ZNF641: variants seen among roughly 807,000 people sequenced by gnomAD.
ZNF641 encodes the protein zinc finger protein 641.
A neutral mutation model predicts 46.2 loss-of-function variants in ZNF641; 26 were observed. The ratio of observed to expected loss-of-function variants is 0.56; its 90% CI spans 0.41 to 0.78. ZNF641 has a LOEUF of 0.78. Ranked by LOEUF, ZNF641 falls within the 30% of genes least tolerant of loss-of-function variation. ZNF641 has a pLI of 0.00. For missense variants in ZNF641, 469 were observed against 517.8 expected (o/e 0.91, Z 0.91); for synonymous variants, 163 against 187.9 (o/e 0.87, Z 1.09).
At position 48,341,175 on chromosome 12, in the gene ZNF641, C is replaced by T. The variant is rs1489978568; in HGVS notation, c.*1798G>A. 4.1e-6 allele frequency: 4 copies of T among 985,322 alleles called. No homozygotes were observed. The highest frequency in any genetic ancestry group is 6.1e-5 in the Admixed American group (1 of 16,264). 61.0% of individuals were successfully genotyped at this position (985,322 alleles called of 1,614,324 possible). Reference sequence around the variant, plus strand: ...CACCCAGTTTTTCCTGCAAAAGGCACAGTCGCTAAACTAAATTGGTGCAAT... The same window carrying T: ...CACCCAGTTTTTCCTGCAAAAGGCATAGTCGCTAAACTAAATTGGTGCAAT... On this transcript the variant is annotated 3_prime_UTR_variant, in exon 6 of 6. Transcript: ENST00000547026.
intron 5 of ZNF641, 30 bp from the exon 6 acceptor site, chr12:48,343,757 G>C: frequency 6.9e-7 from 1 of 1,446,040 alleles, no homozygotes. Flanking sequence ...CCAACCCCAA[G>C]AGAAGAGTCA....
chr12:48,344,847 C>T, intron 4 of ZNF641, 135 bp from the exon 5 acceptor site: 1 of 593,926 alleles, frequency 1.7e-6, no homozygotes, highest in East Asian at 2.9e-5. Flanking sequence ...AAACATATCC[C>T]CACCCCAACC....
intron 4 of ZNF641, 94 bp downstream of exon 4, chr12:48,345,247 TAAAG>T: frequency 7.2e-7 from 1 of 1,380,444 alleles, no homozygotes; most frequent in Non-Finnish European, 9.8e-7. Context: ...CCCTGCCACA[TAAAG>T]AGTCCTAGAC....
intron 3 of ZNF641, among the ~76,000 whole-genome samples, 181 bp from the exon 4 acceptor site, chr12:48,345,655 T>C (rs3751273): frequency 0.17 from 25,219 of 152,086 alleles, 2,477 homozygotes; most frequent in East Asian, 0.27. Context: ...GGAGTAAAGG[T>C]AGATGGTCAA....
At position 48,337,377 on chromosome 12, in the gene ZNF641, G is replaced by A. The variant is rs903906992; in HGVS notation, c.*5596C>T. On this transcript the variant is annotated 3_prime_UTR_variant, in exon 6 of 6. Transcript: ENST00000547026. ...CCTGGAAGAGGATGCCCAGGTGCCT[G>A]GTGGCAAGAGACAAGGCAGGAAAGT... 6 of 152,340 alleles carry A rather than the reference G, an allele frequency of 3.9e-5. No homozygotes were observed. Among genetic ancestry groups the A allele is most frequent in the African/African-American group, 1.4e-4 (6 of 41,456 alleles). 9.4% of individuals were successfully genotyped at this position (152,340 alleles called of 1,614,324 possible).
rs1193342679 is a variant in ZNF641 at position 48,341,604 on chromosome 12, T to A, written c.*1369A>T. 1.0e-6 allele frequency: 1 copy of A among 985,324 alleles called. No individual in the cohort carries two copies. Among genetic ancestry groups the A allele is most frequent in the African/African-American group, 1.7e-5 (1 of 57,246 alleles). The allele number at this position is 985,324 out of a possible 1,614,324, so 61.0% of individuals were successfully genotyped here. A position where few individuals can be genotyped will look rare whatever the true frequency, so the allele number is the denominator to read the frequency against. On this transcript the variant is annotated 3_prime_UTR_variant, in exon 6 of 6. Transcript: ENST00000547026. ...GATCTTCAAGAATAACTCTTGCCCC[T>A]TGATGAGGCAGTCAAATTCAAACCA...
chr12:48,336,984 A>T (rs966713191), downstream of ZNF641, among the ~76,000 whole-genome samples: 2 of 152,150 alleles, frequency 1.3e-5, no homozygotes, highest in African/African-American at 2.4e-5. Flanking sequence ...GGAGCATCAC[A>T]TGGGGACCAG....
At chr12:48,349,672 G>A (rs1189540471) in intron 1 of ZNF641, among the ~76,000 whole-genome samples, 1 of 152,218 alleles carries the variant, frequency 6.6e-6, no homozygotes, top group African/African-American at 2.4e-5. Context: ...AGCCTAGGAG[G>A]TTTCCTTTTC....
Position 48,342,432 on chromosome 12 carries a change from A to G in ZNF641, c.*541T>C. 2 of 987,148 alleles carry G rather than the reference A, an allele frequency of 2.0e-6. No individual in the cohort carries two copies. Among genetic ancestry groups the G allele is most frequent in the Non-Finnish European group, 2.4e-6 (2 of 831,124 alleles). 61.1% of individuals were successfully genotyped at this position (987,148 alleles called of 1,614,324 possible). On this transcript the variant is annotated 3_prime_UTR_variant, in exon 6 of 6. Transcript: ENST00000547026. ...GTTACTCTCTAACCCAGTGTTCACC[A>G]GAGTGTTTCATAGTCACCAGTTCTG...
chr12:48,350,149 T>C (rs573940865), intron 1 of ZNF641: 2 of 1,609,176 alleles, frequency 1.2e-6, no homozygotes, highest in East Asian at 2.2e-5. Context: ...GATGATCCCA[T>C]GCCCACTGCA....
At chr12:48,346,110 T>C (rs1454028806) in intron 3 of ZNF641, among the ~76,000 whole-genome samples, 1 of 152,162 alleles carries the variant, frequency 6.6e-6, no homozygotes, top group African/African-American at 2.4e-5. Flanking sequence ...TTCACCATGT[T>C]GGCCAGGCTG....
Position 48,342,335 on chromosome 12 carries a change from T to G in ZNF641, c.*638A>C. 1 of 985,794 alleles carries G rather than the reference T, an allele frequency of 1.0e-6. No individual in the cohort carries two copies. The highest frequency in any genetic ancestry group is 1.2e-6 in the Non-Finnish European group (1 of 830,268). 61.1% of individuals were successfully genotyped at this position (985,794 alleles called of 1,614,324 possible). ...AAGACAGACCCACACATGAACAAGG[T>G]CTGGCCCCCCTGGCTTTCATATGGA... On this transcript the variant is annotated 3_prime_UTR_variant, in exon 6 of 6. Coordinates refer to ENST00000547026, the MANE Select transcript of ZNF641 (RefSeq NM_001172681.2).
Position 48,337,755 on chromosome 12 carries a change from G to A in ZNF641, c.*5218C>T, listed in dbSNP as rs1952631996. The A allele has an allele frequency of 6.6e-6, 1 of 151,968 alleles. No homozygotes were observed. Among genetic ancestry groups the A allele is most frequent in the African/African-American group, 2.4e-5 (1 of 41,362 alleles). 9.4% of individuals were successfully genotyped at this position (151,968 alleles called of 1,614,324 possible). On this transcript the variant is annotated 3_prime_UTR_variant, in exon 6 of 6. Coordinates refer to ENST00000547026, the MANE Select transcript of ZNF641 (RefSeq NM_001172681.2). Reference sequence around the variant, plus strand: ...GAGGCAAGAAAATGGCGTAAACCTGGGAGGCGGAGCTTGCAGTGAGCCGAG... The same window carrying A: ...GAGGCAAGAAAATGGCGTAAACCTGAGAGGCGGAGCTTGCAGTGAGCCGAG...
chr12:48,343,328 C>A lies in ZNF641; in HGVS notation c.920G>T (p.Arg307Met). Residue 307 changes from arginine (R) to methionine (M), a missense_variant, in exon 6 of 6, where the codon AGG (arginine) becomes ATG (methionine). Coordinates refer to ENST00000547026, the MANE Select transcript of ZNF641 (RefSeq NM_001172681.2). ...GAAATTCTTACCACACTCAGAGCACCTGCTGGTCTTGTCATGTAGGTGGGT... is the reference window on the plus strand; with the variant it reads ...GAAATTCTTACCACACTCAGAGCACATGCTGGTCTTGTCATGTAGGTGGGT... ...QKTHLHDKTS[R>M]CSECGKNFRC... 6.2e-7 allele frequency: 1 copy of A among 1,614,172 alleles called. No homozygotes were observed. Among genetic ancestry groups the A allele is most frequent in the South Asian group, 1.1e-5 (1 of 91,084 alleles).
At position 48,340,931 on chromosome 12, in the gene ZNF641, A is replaced by G; in HGVS notation, c.*2042T>C. 4 of 985,452 alleles carry G rather than the reference A, an allele frequency of 4.1e-6. No homozygotes were observed. Among genetic ancestry groups the G allele is most frequent in the Non-Finnish European group, 4.8e-6 (4 of 829,960 alleles). The allele number at this position is 985,452 out of a possible 1,614,324, so 61.0% of individuals were successfully genotyped here. ...CCTGTTTCTGAGAAGCTAGGGCAAG[A>G]CCTGCCTTACAAAGACCAGCCATTT... On this transcript the variant is annotated 3_prime_UTR_variant, in exon 6 of 6. Transcript: ENST00000547026.
chr12:48,336,713 G>A (rs73291366), downstream of ZNF641, among the ~76,000 whole-genome samples: 5,899 of 152,242 alleles, frequency 0.039, 409 homozygotes, highest in African/African-American at 0.13. Context: ...CCTCTAAGGG[G>A]TCAAGTCACA....
chr12:48,337,272 C>G lies in ZNF641; in HGVS notation c.*5701G>C, dbSNP rs1952617413. 1 of 152,138 alleles carries G rather than the reference C, an allele frequency of 6.6e-6. No homozygotes were observed. Among genetic ancestry groups the G allele is most frequent in the Non-Finnish European group, 1.5e-5 (1 of 68,042 alleles). The allele number at this position is 152,138 out of a possible 1,614,324, so 9.4% of individuals were successfully genotyped here. ...AAGTTCACAGTTCATCAGAAGGAAC[C>G]AATTCAGATAATAGCTAGAAATCTG... On this transcript the variant is annotated 3_prime_UTR_variant, in exon 6 of 6. Transcript: ENST00000547026.
Position 48,342,144 on chromosome 12 carries a change from C to A in ZNF641, c.*829G>T. On this transcript the variant is annotated 3_prime_UTR_variant, in exon 6 of 6. Coordinates refer to ENST00000547026, the MANE Select transcript of ZNF641 (RefSeq NM_001172681.2). The stretch of plus-strand genomic sequence containing the variant: ...TTGTTTTTCTGTTTTTCTGTGTGGG[C>A]CAGGGCTATTTGGGGGTATTAGATC... 1 of 985,412 alleles carries A rather than the reference C, an allele frequency of 1.0e-6. No homozygotes were observed. 61.0% of individuals were successfully genotyped at this position (985,412 alleles called of 1,614,324 possible).
At chr12:48,350,192 T>G in intron 1 of ZNF641, 1 of 1,552,154 alleles carries the variant, frequency 6.4e-7, no homozygotes, top group Non-Finnish European at 8.7e-7. Context: ...TTCCCCCTTT[T>G]CTTCACACAT....
Sources: gnomAD v4.1 joint callset for allele counts (sites outside exome capture counted in the v4.1 genomes callset) on GRCh38, gnomAD v4.1.1 for gene constraint, MANE v1.5 for transcripts, NCBI Gene and HGNC (gene_info 2026-07-23, HGNC 2026-07-21) for gene names.